The following PFKFB1 variants were observed in gnomAD, a reference collection of about 807,000 sequenced individuals.
PFKFB1 encodes the protein 6-phosphofructo-2-kinase/fructose-2,6-biphosphatase 1, also known as 6-phosphofructo-2-kinase/fructose-2,6-bisphosphatase 1.
PFKFB1 carries 34 observed loss-of-function variants against 46.4 expected under a neutral mutation model. That is an observed-to-expected ratio of 0.73 (90% CI 0.56 to 0.98). The LOEUF is 0.98. Ranked by LOEUF, PFKFB1 falls within the 50% of genes least tolerant of loss-of-function variation. The probability of loss-of-function intolerance (pLI) is 0.00; values close to 1 mark genes in which losing one functional copy is unlikely to be tolerated. For missense variants in PFKFB1, 393 were observed against 376.3 expected (o/e 1.04, Z -0.37); for synonymous variants, 119 against 133.8 (o/e 0.89, Z 0.76).
At chrX:54,960,767 G>A in intron 3 of PFKFB1, 57 bp downstream of exon 3, 2 of 816,285 alleles carry the variant, frequency 2.5e-6, no homozygotes, top group Non-Finnish European at 3.6e-6. Context: ...CCCAATATCT[G>A]AACAAGGGCC....
In PFKFB1 at chrX:54,952,071, T is replaced by A; in HGVS notation, c.680A>T (p.Tyr227Phe). 8.3e-7 allele frequency: 1 copy of A among 1,211,496 alleles called. No individual in the cohort carries two copies. Reference protein sequence around the residue: ...YIKIFDVGTRYMVNRVQDHIQ... With the variant: ...YIKIFDVGTRFMVNRVQDHIQ... ...GTGATCCTGCACTCGGTTCACCATG[T>A]AGCGTGTGCCCACGTCGAAGATCTT... The change falls in exon 8 of 14, where the codon TAC becomes TTC. Residue 227 changes from tyrosine (Y) to phenylalanine (F), a missense_variant. By Grantham distance (22) the Tyr-to-Phe change is conservative. Coordinates refer to ENST00000375006, the MANE Select transcript of PFKFB1 (RefSeq NM_002625.4).
intron 1 of PFKFB1, among the ~76,000 whole-genome samples, chrX:54,992,549 A>G (rs1372835744): frequency 1.8e-5 from 2 of 112,276 alleles, no homozygotes; most frequent in African/African-American, 6.5e-5. Flanking sequence ...ACTGGGTTGC[A>G]GGCATTAATC....
chrX:54,968,471 T>TA lies in PFKFB1; in HGVS notation c.98-5090dup, dbSNP rs891942310. On this transcript the variant is annotated intron_variant, in intron 1 of 13. Transcript: ENST00000375006. ...ATGTACCCTAAAACTTAAAGTATAA[T>TA]AAAAAAAAAGAATCAAATGGATATT... 2.7e-4 allele frequency among the ~76,000 whole-genome samples: 29 copies of TA among 106,479 alleles called. 1 individual carries two copies. The highest frequency in any genetic ancestry group is 8.0e-4 in the South Asian group (2 of 2,495). The allele number at this position is 106,479 out of a possible 115,157, so 92.5% of individuals were successfully genotyped here.
At chrX:54,994,729 G>A (rs1041898967), upstream of PFKFB1, 1 of 753,087 alleles carries the variant, frequency 1.3e-6, no homozygotes, top group African/African-American at 2.3e-5. Flanking sequence ...TGCCTTCCTT[G>A]CCACAGGGCC....
rs777897690 is a variant in PFKFB1, at chrX:54,963,256, C to T, written c.223+1G>A. The T allele has an allele frequency of 3.3e-6, 4 of 1,207,796 alleles. No individual in the cohort carries two copies. The African/African-American group carries it at 5.3e-5, about 16-fold the overall frequency. On this transcript the variant is annotated splice_donor_variant, in intron 2 of 13. Coordinates refer to ENST00000375006, the MANE Select transcript of PFKFB1 (RefSeq NM_002625.4). LOFTEE classifies it high-confidence loss of function. ...TTGAACAAAGGCTTTCAGAGACATA[C>T]CTTTAGTTGGTGTTCCTATCCAGTT...
intron 1 of PFKFB1, 76 bp downstream of exon 1, chrX:54,993,835 G>A (rs1935305826): frequency 1.8e-6 from 2 of 1,123,402 alleles, no homozygotes; most frequent in East Asian, 6.6e-5. Flanking sequence ...GATGGCAAGG[G>A]GAGGTGCATC....
At chrX:54,979,950 T>C (rs1023581779) in intron 1 of PFKFB1, among the ~76,000 whole-genome samples, 1 of 111,714 alleles carries the variant, frequency 9.0e-6, no homozygotes. Context: ...GAGACCCACA[T>C]GGCAAGAAGT....
rs990924554 is a variant in PFKFB1 at position 54,960,816 on chromosome X, GTACT to G, written c.317+4_317+7del. The stretch of plus-strand genomic sequence containing the variant: ...ACAGCACAGGTTCCTAAAATATTGG[GTACT>G]TACTTCCTGATTTGCAGGGCTTCCA... On this transcript the variant is annotated splice_donor_5th_base_variant and intron_variant, in intron 3 of 13. Transcript: ENST00000375006. The G allele has an allele frequency of 7.1e-6, 8 of 1,125,119 alleles. No individual in the cohort carries two copies. The highest frequency in any genetic ancestry group is 8.5e-6 in the Non-Finnish European group (7 of 823,053). 92.7% of individuals were successfully genotyped at this position (1,125,119 alleles called of 1,213,427 possible). A position where few individuals can be genotyped will look rare whatever the true frequency, so the allele number is the denominator to read the frequency against.
rs1933503808 is a variant in PFKFB1 at position 54,938,834 on chromosome X, G to T, written c.1099-1110C>A. ...CTGTCAACATTAGACAGATCAATGAGACAGAAAGTTAACAAGGATATCCAG... is the reference window on the plus strand; with the variant it reads ...CTGTCAACATTAGACAGATCAATGATACAGAAAGTTAACAAGGATATCCAG... On this transcript the variant is annotated intron_variant, in intron 10 of 13. Transcript: ENST00000375006. 2.7e-5 allele frequency among the ~76,000 whole-genome samples: 3 copies of T among 111,339 alleles called. No individual in the cohort carries two copies. In the South Asian group the frequency reaches 1.1e-3, roughly 42 times the overall value.
intron 1 of PFKFB1, among the ~76,000 whole-genome samples, chrX:54,983,386 A>G (rs757543894): frequency 2.7e-5 from 3 of 111,454 alleles, no homozygotes; most frequent in African/African-American, 9.8e-5. Context: ...ATGTGTTCTC[A>G]TCATTTAGCT....
intron 8 of PFKFB1, among the ~76,000 whole-genome samples, chrX:54,949,920 C>G (rs1933920197): frequency 8.9e-6 from 1 of 112,382 alleles, no homozygotes; most frequent in Non-Finnish European, 1.9e-5. Context: ...AAGCAGGGTT[C>G]CTGGTACCCA....
chrX:54,977,425 C>CAAAT (rs1188587281), intron 1 of PFKFB1, among the ~76,000 whole-genome samples: 64 of 109,947 alleles, frequency 5.8e-4, no homozygotes, highest in African/African-American at 1.4e-3. Context: ...AACAAACAAA[C>CAAAT]AAATAAATAA....
chrX:54,974,945 A>T (rs1934796793), intron 1 of PFKFB1, among the ~76,000 whole-genome samples: 1 of 110,278 alleles, frequency 9.1e-6, no homozygotes, highest in Admixed American at 9.7e-5. Context: ...ATTTAAAAAT[A>T]AAAAAAAATA....
At chrX:54,964,767 T>C (rs1484842659) in intron 1 of PFKFB1, among the ~76,000 whole-genome samples, 1 of 111,594 alleles carries the variant, frequency 9.0e-6, no homozygotes, top group African/African-American at 3.3e-5. Flanking sequence ...ATAGCTATGA[T>C]TAGTATGTTA....
At chrX:54,963,536 A>G (rs1331902264) in intron 1 of PFKFB1, among the ~76,000 whole-genome samples, 154 bp from the exon 2 acceptor site, 1 of 112,508 alleles carries the variant, frequency 8.9e-6, no homozygotes, top group Non-Finnish European at 1.9e-5. Context: ...TCTCAGACTC[A>G]TCAGAAAACT....
chrX:54,964,476 T>A (rs767340339), intron 1 of PFKFB1, among the ~76,000 whole-genome samples: 6 of 112,267 alleles, frequency 5.3e-5, no homozygotes, highest in Admixed American at 9.4e-5. Context: ...CCAGAGTAAG[T>A]TATGACACAG....
intron 1 of PFKFB1, among the ~76,000 whole-genome samples, chrX:54,982,989 T>C (rs1402378620): frequency 9.0e-6 from 1 of 110,859 alleles, no homozygotes; most frequent in Admixed American, 9.7e-5. Context: ...ATTTGTGAAT[T>C]GGGAAGCACA....
Position 54,968,193 on chromosome X carries a change from T to C in PFKFB1, c.98-4811A>G, listed in dbSNP as rs757104934. On this transcript the variant is annotated intron_variant, in intron 1 of 13. Coordinates refer to ENST00000375006, the MANE Select transcript of PFKFB1 (RefSeq NM_002625.4). Reference sequence around the variant, plus strand: ...GTAGGGACATGGATGAAATTGGAAATCATCATTCTCAGTAAACTATCTCAA... The same window carrying C: ...GTAGGGACATGGATGAAATTGGAAACCATCATTCTCAGTAAACTATCTCAA... 7.2e-3 allele frequency among the ~76,000 whole-genome samples: 453 copies of C among 62,848 alleles called. 5 individuals carry two copies. Among genetic ancestry groups the C allele is most frequent in the Non-Finnish European group, 0.011 (374 of 34,379 alleles). The allele number at this position is 62,848 out of a possible 115,157, so 54.6% of individuals were successfully genotyped here.
intron 1 of PFKFB1, among the ~76,000 whole-genome samples, chrX:54,972,994 T>A (rs1008306465): frequency 9.0e-6 from 1 of 111,666 alleles, no homozygotes; most frequent in East Asian, 2.8e-4. Flanking sequence ...GGTAAGCTAT[T>A]GATTATTGCT....
Sources: allele counts gnomAD v4.1 joint callset (sites outside exome capture counted in the v4.1 genomes callset), GRCh38; gene constraint gnomAD v4.1.1; transcripts MANE v1.5; gene names NCBI Gene and HGNC (gene_info 2026-07-23, HGNC 2026-07-21).